Variants in PAX7 observed in about 807,000 individuals in gnomAD.
PAX7 encodes the protein paired box protein Pax-7.
PAX7 carries 18 observed loss-of-function variants against 50.7 expected under a neutral mutation model. The ratio of observed to expected loss-of-function variants is 0.36; its 90% CI spans 0.25 to 0.53. PAX7 has a LOEUF of 0.53. Among genes scored for constraint, PAX7 ranks in the 20% least tolerant of loss-of-function variants. The probability of loss-of-function intolerance (pLI) is 0.93; values close to 1 mark genes in which losing one functional copy is unlikely to be tolerated. For missense variants in PAX7, 644 were observed against 702.9 expected (o/e 0.92, Z 0.95); for synonymous variants, 310 against 290.4 (o/e 1.07, Z -0.69).
At position 18,746,995 on chromosome 1, in the gene PAX7, T is replaced by G. The variant is rs1228304197; in HGVS notation, c.*2066T>G. ...GTCCACTGCCAGAGACCTTTGGCTC[T>G]TCAAGCTCGGGACAAAAAAGAAGAC... is the stretch of plus-strand genomic sequence containing the variant. On this transcript the variant is annotated 3_prime_UTR_variant, in exon 9 of 9. Coordinates refer to ENST00000420770, the MANE Select transcript of PAX7 (RefSeq NM_001135254.2). 4.3e-6 allele frequency: 1 copy of G among 231,116 alleles called. No individual in the cohort carries two copies. Among genetic ancestry groups the G allele is most frequent in the Non-Finnish European group, 8.6e-6 (1 of 116,768 alleles). The allele number at this position is 231,116 out of a possible 1,614,324, so 14.3% of individuals were successfully genotyped here.
At chr1:18,676,713 C>T (rs1030334943) in intron 4 of PAX7, among the ~76,000 whole-genome samples, 1 of 152,164 alleles carries the variant, frequency 6.6e-6, no homozygotes, top group African/African-American at 2.4e-5. Context: ...GCACACGCAA[C>T]TTAGGATCAT....
chr1:18,651,072 G>T (rs1221833221), intron 4 of PAX7, among the ~76,000 whole-genome samples: 3 of 152,132 alleles, frequency 2.0e-5, no homozygotes, highest in Non-Finnish European at 4.4e-5. Flanking sequence ...TAAGACCCAG[G>T]TTCCTCCCCA....
At chr1:18,653,251 G>A (rs1056883393) in intron 4 of PAX7, among the ~76,000 whole-genome samples, 6 of 150,160 alleles carry the variant, frequency 4.0e-5, no homozygotes, top group Admixed American at 6.7e-5. Flanking sequence ...TTTGATTTGC[G>A]CTTGGGTTTA....
intron 4 of PAX7, among the ~76,000 whole-genome samples, chr1:18,643,489 G>T (rs773833354): frequency 5.3e-5 from 8 of 152,152 alleles, no homozygotes; most frequent in Non-Finnish European, 8.8e-5. Context: ...GGAAAATGCG[G>T]AGGCGCCGAG....
At position 18,661,378 on chromosome 1, in the gene PAX7, C is replaced by T. The variant is rs115567131; in HGVS notation, c.586+25007C>T. Among the ~76,000 whole-genome samples the T allele has an allele frequency of 9.3e-3, 1,415 of 152,266 alleles. 8 individuals are homozygous for T. The highest frequency in any genetic ancestry group is 0.016 in the Non-Finnish European group (1,110 of 68,026). On this transcript the variant is annotated intron_variant, in intron 4 of 8. Transcript: ENST00000420770. ...TGCAGAAACTTTCTGATCTCTCCTC[C>T]CACCCCAAACTTGCCTTTGGTGTGT... is the stretch of plus-strand genomic sequence containing the variant.
At chr1:18,737,424 C>T (rs984906176) in intron 8 of PAX7, among the ~76,000 whole-genome samples, 1 of 152,260 alleles carries the variant, frequency 6.6e-6, no homozygotes, top group Admixed American at 6.5e-5. Flanking sequence ...GCCTCCACCT[C>T]CCAGCTGTGT....
intron 4 of PAX7, among the ~76,000 whole-genome samples, chr1:18,650,642 T>TC (rs1182997012): frequency 2.0e-5 from 3 of 152,134 alleles, no homozygotes; most frequent in African/African-American, 7.2e-5. Flanking sequence ...TCTGATGGCC[T>TC]CCCCAGCAAG....
At chr1:18,668,547 A>T (rs778269278) in intron 4 of PAX7, among the ~76,000 whole-genome samples, 39 of 151,954 alleles carry the variant, frequency 2.6e-4, no homozygotes, top group Admixed American at 3.9e-4. Flanking sequence ...CAAAAAATTT[A>T]AAAAAAATTA....
rs927751448 is a variant in PAX7, at chr1:18,735,588, G to T, written c.1156-44G>T. ...TGTGCCCAGTGTGCTCGTGTCTCTG[G>T]GGTCTGTCCGGTGAGCCTGGCACTA... On this transcript the variant is annotated intron_variant, in intron 7 of 8. Transcript: ENST00000420770. This position sits in a 1 kb window ranked among gnomAD's most constrained non-coding sequence, Gnocchi z 4.0. The T allele has an allele frequency of 1.9e-6, 3 of 1,575,214 alleles. No individual in the cohort carries two copies. The African/African-American group carries it at 4.0e-5, about 21-fold the overall frequency.
At chr1:18,635,479 TAAG>T (rs1297539822) in intron 3 of PAX7, among the ~76,000 whole-genome samples, 5 of 86,986 alleles carry the variant, frequency 5.7e-5, no homozygotes, top group Admixed American at 2.4e-4. Flanking sequence ...GAGAGAGAAA[TAAG>T]AAAGGGAGGA....
At chr1:18,677,874 G>T (rs756389457) in intron 4 of PAX7, among the ~76,000 whole-genome samples, 1 of 151,708 alleles carries the variant, frequency 6.6e-6, no homozygotes, top group Admixed American at 6.6e-5. Context: ...ACAAAGTCAG[G>T]AGTTCAAGAC....
At chr1:18,706,019 G>A (rs1056086161) in intron 7 of PAX7, among the ~76,000 whole-genome samples, 32 of 152,180 alleles carry the variant, frequency 2.1e-4, no homozygotes, top group Non-Finnish European at 1.6e-4. Context: ...CATGTAAACC[G>A]CAGAGGTTAA....
chr1:18,696,191 G>A (rs12563032), intron 5 of PAX7, among the ~76,000 whole-genome samples: 11,642 of 150,718 alleles, frequency 0.077, 595 homozygotes, highest in East Asian at 0.26. Flanking sequence ...TCAGCCTCCC[G>A]AGTAGCTGGG....
chr1:18,712,390 G>A (rs748551938), intron 7 of PAX7, among the ~76,000 whole-genome samples: 3 of 152,206 alleles, frequency 2.0e-5, no homozygotes, highest in South Asian at 2.1e-4. Context: ...ACAAGGGAGC[G>A]GCCTGGGCAG....
intron 4 of PAX7, among the ~76,000 whole-genome samples, chr1:18,679,431 G>A (rs535924758): frequency 2.6e-5 from 4 of 152,312 alleles, no homozygotes; most frequent in South Asian, 4.1e-4. Flanking sequence ...GGGCGCGGAT[G>A]GGTGGTCAGG....
intron 4 of PAX7, among the ~76,000 whole-genome samples, chr1:18,662,895 A>C (rs1323878131): frequency 6.9e-6 from 1 of 145,846 alleles, no homozygotes; most frequent in Non-Finnish European, 1.5e-5. Flanking sequence ...ATATTGAAGG[A>C]ATCACATATT....
chr1:18,647,004 G>T (rs932744967), intron 4 of PAX7, among the ~76,000 whole-genome samples: 1 of 143,542 alleles, frequency 7.0e-6, no homozygotes, highest in Non-Finnish European at 1.5e-5. Context: ...GGCCTTGGGC[G>T]GGGATCCCGG....
At chr1:18,724,899 G>T (rs2089538833) in intron 7 of PAX7, among the ~76,000 whole-genome samples, 1 of 152,204 alleles carries the variant, frequency 6.6e-6, no homozygotes, top group Non-Finnish European at 1.5e-5. Context: ...CCACAGCAAG[G>T]CACTGACGAA....
At chr1:18,704,877 C>CCCTT (rs1420441624) in intron 7 of PAX7, among the ~76,000 whole-genome samples, 1 of 152,098 alleles carries the variant, frequency 6.6e-6, no homozygotes. Flanking sequence ...CTTTCTATGC[C>CCCTT]TCAATTTTCT....
Sources: gnomAD v4.1 joint callset for allele counts (sites outside exome capture counted in the v4.1 genomes callset) on GRCh38, gnomAD v4.1.1 for gene constraint, Gnocchi (gnomAD v3.1) non-coding constraint, MANE v1.5 for transcripts, NCBI Gene and HGNC (gene_info 2026-07-23, HGNC 2026-07-21) for gene names.